The following MCTP1 variants were observed in gnomAD, a reference collection of about 807,000 sequenced individuals.
MCTP1 encodes the protein multiple C2 and transmembrane domain containing 1, also known as multiple C2 and transmembrane domain-containing protein 1.
A neutral mutation model predicts 120.6 loss-of-function variants in MCTP1; 69 were observed. The observed-to-expected ratio is 0.57, with a 90% CI of 0.47 to 0.70. MCTP1 has a LOEUF of 0.70. Ranked by LOEUF, MCTP1 falls within the 30% of genes least tolerant of loss-of-function variation. MCTP1 has a pLI of 0.00. For synonymous variants in MCTP1, 529 were observed against 493.1 expected (o/e 1.07, Z -0.96); for missense variants, 1,203 against 1,248.8 (o/e 0.96, Z 0.55).
chr5:95,066,505 T>A (rs2152159504), intron 1 of MCTP1, among the ~76,000 whole-genome samples: 1 of 152,284 alleles, frequency 6.6e-6, no homozygotes, highest in East Asian at 1.9e-4. Flanking sequence ...TGGGTATATA[T>A]CCAAAGGAAA....
intron 9 of MCTP1, among the ~76,000 whole-genome samples, chr5:94,912,465 A>G (rs1362625326): frequency 7.2e-6 from 1 of 138,328 alleles, no homozygotes; most frequent in Non-Finnish European, 1.5e-5. Flanking sequence ...AAAAAAAAAA[A>G]AGCCGCACTC....
intron 19 of MCTP1, among the ~76,000 whole-genome samples, chr5:94,748,115 T>G (rs559726318): frequency 6.6e-6 from 1 of 152,324 alleles, no homozygotes; most frequent in South Asian, 2.1e-4. Flanking sequence ...AAGGAAGTTT[T>G]GATACTATTG....
intron 18 of MCTP1, chr5:94,791,989 C>G (rs1408908475): frequency 1.3e-5 from 2 of 152,464 alleles, no homozygotes; most frequent in Non-Finnish European, 2.9e-5. Context: ...GCCCCGAAGA[C>G]CATCCCAGGA....
chr5:95,172,915 T>C (rs1441108534), intron 1 of MCTP1, among the ~76,000 whole-genome samples: 2 of 152,176 alleles, frequency 1.3e-5, no homozygotes, highest in Non-Finnish European at 2.9e-5. Flanking sequence ...AGTATATGCA[T>C]TCATTGAATA....
At chr5:94,996,540 G>A (rs546232821) in intron 2 of MCTP1, among the ~76,000 whole-genome samples, 49 of 152,162 alleles carry the variant, frequency 3.2e-4, no homozygotes, top group Middle Eastern at 3.4e-3. Context: ...TATCCTACAC[G>A]CATCCTCTTA....
intron 1 of MCTP1, among the ~76,000 whole-genome samples, chr5:95,092,397 C>A (rs1168522929): frequency 6.6e-6 from 1 of 152,168 alleles, no homozygotes; most frequent in African/African-American, 2.4e-5. Flanking sequence ...GATACCAAAT[C>A]CAGCTAGATA....
chr5:94,832,771 T>C (rs1453623309), intron 17 of MCTP1, among the ~76,000 whole-genome samples: 1 of 152,216 alleles, frequency 6.6e-6, no homozygotes, highest in East Asian at 1.9e-4. Flanking sequence ...GCCCTTGTAG[T>C]GCAATTTTTG....
intron 19 of MCTP1, among the ~76,000 whole-genome samples, chr5:94,738,949 T>C (rs894617185): frequency 1.3e-5 from 2 of 152,238 alleles, no homozygotes; most frequent in Non-Finnish European, 2.9e-5. Flanking sequence ...CTTGTCATCT[T>C]TTGCTAGTTA....
At chr5:95,233,328 C>CTT (rs199632942) in intron 1 of MCTP1, among the ~76,000 whole-genome samples, 3 of 144,610 alleles carry the variant, frequency 2.1e-5, no homozygotes, top group Admixed American at 6.9e-5. Context: ...TGGCATACTT[C>CTT]TTTTTTTTTT....
At chr5:94,718,907 G>C (rs1760181027) in intron 19 of MCTP1, among the ~76,000 whole-genome samples, 2 of 152,108 alleles carry the variant, frequency 1.3e-5, no homozygotes. Flanking sequence ...TTTTAGTAGA[G>C]ATGGGGTTTT....
At chr5:95,271,053 T>C (rs1418904119) in intron 1 of MCTP1, among the ~76,000 whole-genome samples, 1 of 152,048 alleles carries the variant, frequency 6.6e-6, no homozygotes, top group Non-Finnish European at 1.5e-5. Flanking sequence ...CAAAACCAGC[T>C]CACACAACAA....
chr5:94,995,569 A>G (rs1289790366), intron 2 of MCTP1, among the ~76,000 whole-genome samples: 1 of 152,226 alleles, frequency 6.6e-6, no homozygotes, highest in East Asian at 1.9e-4. Context: ...TTCTAAAAAG[A>G]CAGAACAAAC....
chr5:95,067,697 A>G (rs1038748273), intron 1 of MCTP1, among the ~76,000 whole-genome samples: 1 of 152,154 alleles, frequency 6.6e-6, no homozygotes, highest in African/African-American at 2.4e-5. Context: ...AATTGTATGT[A>G]TTTATGGGAT....
intron 17 of MCTP1, among the ~76,000 whole-genome samples, chr5:94,841,361 A>G (rs759505247): frequency 3.3e-5 from 5 of 152,184 alleles, no homozygotes; most frequent in African/African-American, 4.8e-5. Flanking sequence ...AGTTCTTAGG[A>G]TATAATTTTT....
chr5:94,727,322 A>G (rs1262354518), intron 19 of MCTP1, among the ~76,000 whole-genome samples: 1 of 152,206 alleles, frequency 6.6e-6, no homozygotes, highest in Non-Finnish European at 1.5e-5. Flanking sequence ...GAAAAGCTGC[A>G]CTTATTATTT....
rs78179747 is a variant in MCTP1, at chr5:94,868,130, C to A, written c.2436+203G>T. On this transcript the variant is annotated intron_variant, in intron 17 of 22. Transcript: ENST00000515393. ...CTGAGATGTCTTGCGTTCCGGAAATCTGAGGGGGGAAAATGTATTCTTAGA... is the reference window on the plus strand; with the variant it reads ...CTGAGATGTCTTGCGTTCCGGAAATATGAGGGGGGAAAATGTATTCTTAGA... The A allele has an allele frequency of 5.5e-3, 2,170 of 392,660 alleles. 50 individuals carry two copies. The highest frequency in any genetic ancestry group is 0.04 in the African/African-American group (1,946 of 48,134). The allele number at this position is 392,660 out of a possible 1,614,324, so 24.3% of individuals were successfully genotyped here.
At chr5:94,740,463 C>T (rs1283778796) in intron 19 of MCTP1, among the ~76,000 whole-genome samples, 1 of 152,136 alleles carries the variant, frequency 6.6e-6, no homozygotes, top group African/African-American at 2.4e-5. Flanking sequence ...TGGGGGAAAT[C>T]TAGAAGTTAA....
intron 1 of MCTP1, among the ~76,000 whole-genome samples, chr5:95,036,236 G>C (rs908297944): frequency 6.6e-6 from 1 of 152,132 alleles, no homozygotes; most frequent in African/African-American, 2.4e-5. Flanking sequence ...AATAGATCAA[G>C]ACCAGTCGTA....
At chr5:95,012,223 G>C (rs62364701) in intron 2 of MCTP1, among the ~76,000 whole-genome samples, 5,917 of 152,076 alleles carry the variant, frequency 0.039, 167 homozygotes, top group African/African-American at 0.063. Flanking sequence ...TAGCACCACA[G>C]GGTTCATTCT....
Sources: gnomAD v4.1 joint callset for allele counts (sites outside exome capture counted in the v4.1 genomes callset) on GRCh38, gnomAD v4.1.1 for gene constraint, MANE v1.5 for transcripts, NCBI Gene and HGNC (gene_info 2026-07-23, HGNC 2026-07-21) for gene names.